ZFHX3: variants seen among roughly 807,000 people sequenced by gnomAD.
The protein encoded by ZFHX3 is zinc finger homeobox protein 3.
A neutral mutation model predicts 279.1 loss-of-function variants in ZFHX3; 42 were observed. The ratio of observed to expected loss-of-function variants is 0.15; its 90% CI spans 0.12 to 0.19. The LOEUF (loss-of-function observed/expected upper bound fraction) is 0.19. Ranked by LOEUF, ZFHX3 falls within the 10% of genes least tolerant of loss-of-function variation. ZFHX3 has a pLI of 1.00. For synonymous variants in ZFHX3, 2,293 were observed against 1,957.8 expected (o/e 1.17, Z -4.52); for missense variants, 4,981 against 4,754.0 (o/e 1.05, Z -1.40).
intron 3 of ZFHX3, among the ~76,000 whole-genome samples, chr16:73,321,691 C>T (rs912266776): frequency 2.9e-4 from 44 of 152,236 alleles, no homozygotes; most frequent in Non-Finnish European, 1.8e-4. Flanking sequence ...CAGAGAGAGG[C>T]AGGCCTGGCC....
At chr16:73,400,553 CA>C (rs1280337719) in intron 3 of ZFHX3, 1 of 152,180 alleles carries the variant, frequency 6.6e-6, no homozygotes, top group Non-Finnish European at 1.5e-5. Flanking sequence ...CGCCGTCTTC[CA>C]ATCTTGCATA....
chr16:73,658,656 C>T (rs1328400599), intron 2 of ZFHX3, among the ~76,000 whole-genome samples: 4 of 152,126 alleles, frequency 2.6e-5, no homozygotes, highest in Non-Finnish European at 5.9e-5. Context: ...AACCCAACTG[C>T]GTAACTCCAA....
chr16:73,285,796 T>G (rs2014581140), intron 4 of ZFHX3, among the ~76,000 whole-genome samples: 1 of 152,154 alleles, frequency 6.6e-6, no homozygotes, highest in South Asian at 2.1e-4. Flanking sequence ...AGTTGGCAGG[T>G]AGAAGGGGTT....
At chr16:73,159,398 G>A (rs1049028339) in intron 5 of ZFHX3, among the ~76,000 whole-genome samples, 1 of 152,140 alleles carries the variant, frequency 6.6e-6, no homozygotes, top group African/African-American at 2.4e-5. Context: ...GCCAATGGGA[G>A]GATAGCTAAG....
chr16:73,472,932 T>C (rs1286845741), intron 2 of ZFHX3, among the ~76,000 whole-genome samples: 2 of 152,080 alleles, frequency 1.3e-5, no homozygotes, highest in Non-Finnish European at 2.9e-5. Context: ...TTCACCTCCA[T>C]AAATTGTCCC....
chr16:72,962,080 G>A (rs1023662351), intron 1 of ZFHX3, among the ~76,000 whole-genome samples: 1 of 152,210 alleles, frequency 6.6e-6, no homozygotes, highest in Non-Finnish European at 1.5e-5. Flanking sequence ...GAAGGGGCGG[G>A]AGGGTTAACA....
chr16:73,623,363 A>C (rs1188710399), intron 2 of ZFHX3, among the ~76,000 whole-genome samples: 3 of 152,060 alleles, frequency 2.0e-5, no homozygotes, highest in African/African-American at 7.2e-5. Context: ...GAAGTGCAAC[A>C]TATTTTTTTT....
intron 1 of ZFHX3, among the ~76,000 whole-genome samples, chr16:73,819,735 T>C (rs1960680202): frequency 6.6e-6 from 1 of 152,164 alleles, no homozygotes; most frequent in Admixed American, 6.5e-5. Context: ...ATGTGGGTCA[T>C]GCTCCACAGG....
chr16:73,455,915 G>A (rs999522935), intron 3 of ZFHX3: 1 of 151,860 alleles, frequency 6.6e-6, no homozygotes, highest in Non-Finnish European at 1.5e-5. Flanking sequence ...CAGGTGCTGG[G>A]TGTCCCTTGA....
At chr16:72,968,285 G>A (rs1961942822) in intron 1 of ZFHX3, among the ~76,000 whole-genome samples, 3 of 152,100 alleles carry the variant, frequency 2.0e-5, no homozygotes, top group Non-Finnish European at 2.9e-5. Context: ...GCCATGCAAC[G>A]GAAAGACAGA....
chr16:73,112,715 CAAAAAAAAAAAA>C (rs56149570), intron 7 of ZFHX3, among the ~76,000 whole-genome samples: 3 of 30,268 alleles, frequency 9.9e-5, no homozygotes, highest in Non-Finnish European at 1.6e-4. Flanking sequence ...GACTCCATCT[CAAAAAAAAAAAA>C]AAAAAAAAAA....
intron 2 of ZFHX3, chr16:73,504,803 G>A (rs1379761145): frequency 6.6e-6 from 1 of 152,256 alleles, no homozygotes; most frequent in Non-Finnish European, 1.5e-5. Context: ...GGCTGCTGGA[G>A]TGCTTGGTTG....
intron 1 of ZFHX3, among the ~76,000 whole-genome samples, chr16:73,814,669 G>A (rs1396317707): frequency 2.0e-5 from 3 of 151,786 alleles, no homozygotes; most frequent in African/African-American, 7.3e-5. Context: ...CTGGGTTCAA[G>A]TGATTCTCCT....
At chr16:72,864,477 C>T (rs1249227415) in intron 4 of ZFHX3, among the ~76,000 whole-genome samples, 1 of 150,404 alleles carries the variant, frequency 6.6e-6, no homozygotes, top group Non-Finnish European at 1.5e-5. Context: ...GTTCATCCCC[C>T]TTCTTAGGAA....
rs113772500 is a variant in ZFHX3, at chr16:72,930,661, C to A, written c.3216+19808G>T. On this transcript the variant is annotated intron_variant, in intron 3 of 9. Coordinates refer to ENST00000268489, the MANE Select transcript of ZFHX3 (RefSeq NM_006885.4). The stretch of plus-strand genomic sequence containing the variant: ...CAGCACTTAGCTCTTTCAGCCACTG[C>A]CAATAGTGAATAACAGATCAGAACT... Among the ~76,000 whole-genome samples, 431 of 152,148 alleles carry A rather than the reference C, an allele frequency of 2.8e-3. 1 individual carries two copies. Among genetic ancestry groups the A allele is most frequent in the African/African-American group, 9.6e-3 (397 of 41,506 alleles).
intron 2 of ZFHX3, among the ~76,000 whole-genome samples, chr16:73,677,566 A>G (rs1282996310): frequency 2.0e-5 from 3 of 151,946 alleles, no homozygotes; most frequent in African/African-American, 7.2e-5. Context: ...ACAAAAAAAG[A>G]TATATTAAGA....
Position 72,966,773 on chromosome 16 carries a change from C to A in ZFHX3, c.-49-6579G>T, listed in dbSNP as rs1255628482. On this transcript the variant is annotated intron_variant, in intron 1 of 9. Transcript: ENST00000268489. ...AGTGGGTTTGGTTCTATGGGTTCCA[C>A]CTAGTTCCAGGGTTGAATTAGGGGC... 2.0e-5 allele frequency among the ~76,000 whole-genome samples: 3 copies of A among 152,156 alleles called. No homozygotes were observed. The East Asian group carries it at 5.8e-4, about 29-fold the overall frequency.
At chr16:73,428,896 T>G (rs2017859980) in intron 3 of ZFHX3, among the ~76,000 whole-genome samples, 1 of 152,130 alleles carries the variant, frequency 6.6e-6, no homozygotes, top group African/African-American at 2.4e-5. Flanking sequence ...CTCACCATGT[T>G]AAATATCCAG....
intron 7 of ZFHX3, among the ~76,000 whole-genome samples, chr16:72,804,142 T>C (rs1214426351): frequency 2.0e-5 from 3 of 152,232 alleles, no homozygotes; most frequent in Non-Finnish European, 4.4e-5. Context: ...TTTTCATATA[T>C]AATAGAAACA....
Sources: gnomAD v4.1 joint callset for allele counts (sites outside exome capture counted in the v4.1 genomes callset) on GRCh38, gnomAD v4.1.1 for gene constraint, MANE v1.5 for transcripts, NCBI Gene and HGNC (gene_info 2026-07-23, HGNC 2026-07-21) for gene names.